Variants in PLPP4 observed in about 807,000 individuals in gnomAD.
PLPP4 encodes phospholipid phosphatase 4.
Under a neutral mutation model 32.2 loss-of-function variants are expected in PLPP4, and 20 were observed. The ratio of observed to expected loss-of-function variants is 0.62; its 90% CI spans 0.44 to 0.90. The LOEUF (loss-of-function observed/expected upper bound fraction) is 0.90, where lower values mean the gene tolerates loss of function less well. Ranked by LOEUF, PLPP4 falls within the 40% of genes least tolerant of loss-of-function variation. The pLI, the probability that PLPP4 is intolerant of heterozygous loss-of-function variation, is 0.00. For synonymous variants in PLPP4, 127 were observed against 133.0 expected (o/e 0.95, Z 0.31); for missense variants, 257 against 353.1 (o/e 0.73, Z 2.18).
chr10:120,523,927 A>C (rs75468124), intron 5 of PLPP4, among the ~76,000 whole-genome samples: 3,957 of 152,234 alleles, frequency 0.026, 114 homozygotes, highest in African/African-American at 0.069. Flanking sequence ...GCTGGACCCC[A>C]AAAAAGATGT....
intron 6 of PLPP4, chr10:120,581,240 C>G (rs1296438760): frequency 4.1e-6 from 4 of 985,304 alleles, no homozygotes; most frequent in Non-Finnish European, 4.8e-6. Context: ...TTGTTTTACT[C>G]AAGGGAACCT....
intron 5 of PLPP4, among the ~76,000 whole-genome samples, chr10:120,530,260 G>A (rs538538394): frequency 7.9e-5 from 12 of 152,058 alleles, no homozygotes; most frequent in East Asian, 7.7e-4. Context: ...CCATAACACC[G>A]AAATCTCTCT....
At chr10:120,466,837 T>C (rs1848344600) in intron 1 of PLPP4, among the ~76,000 whole-genome samples, 1 of 152,252 alleles carries the variant, frequency 6.6e-6, no homozygotes, top group Non-Finnish European at 1.5e-5. Context: ...AAAGATGGCA[T>C]GTGTTAGGTG....
At chr10:120,574,168 A>ACACACACACACACTCTCTCTCTCT (rs1849090021) in intron 5 of PLPP4, among the ~76,000 whole-genome samples, 1 of 47,090 alleles carries the variant, frequency 2.1e-5, no homozygotes, top group African/African-American at 8.6e-5. Flanking sequence ...ACACACACAC[A>ACACACACACACACTCTCTCTCTCT]CTCTCTCTCT....
In PLPP4 at chr10:120,571,093, CGTGTGTGTGT is replaced by C. The variant is rs60011757; in HGVS notation, c.446-4008_446-3999del. Among the ~76,000 whole-genome samples the C allele has an allele frequency of 7.9e-4, 114 of 144,658 alleles. 1 individual carries two copies. The highest frequency in any genetic ancestry group is 2.6e-3 in the African/African-American group (102 of 38,732). 94.9% of individuals were successfully genotyped at this position (144,658 alleles called of 152,430 possible). A position where few individuals can be genotyped will look rare whatever the true frequency, so the allele number is the denominator to read the frequency against. Reference sequence around the variant, plus strand: ...TTCCTTCCCATCAGTAGTAAAGGGGCGTGTGTGTGTGTGTGTGTGTGTGTGTGTGTGTGTG... The same window carrying C: ...TTCCTTCCCATCAGTAGTAAAGGGGCGTGTGTGTGTGTGTGTGTGTGTGTG... On this transcript the variant is annotated intron_variant, in intron 5 of 6. Coordinates refer to ENST00000398250, the MANE Select transcript of PLPP4 (RefSeq NM_001030059.3).
At chr10:120,477,420 G>A (rs1036833094) in intron 1 of PLPP4, among the ~76,000 whole-genome samples, 6 of 150,486 alleles carry the variant, frequency 4.0e-5, no homozygotes, top group Non-Finnish European at 7.4e-5. Flanking sequence ...GCTCCAGAAA[G>A]AAGTGTTCCC....
At chr10:120,570,972 T>G (rs1055685018) in intron 5 of PLPP4, among the ~76,000 whole-genome samples, 1 of 152,078 alleles carries the variant, frequency 6.6e-6, no homozygotes, top group African/African-American at 2.4e-5. Context: ...GATCAACACA[T>G]AAATATTAAC....
intron 5 of PLPP4, among the ~76,000 whole-genome samples, chr10:120,546,143 G>C (rs1268143586): frequency 2.0e-5 from 3 of 152,250 alleles, no homozygotes; most frequent in Admixed American, 2.0e-4. Flanking sequence ...CGGCTTTCTT[G>C]CTCCTCAGCT....
intron 5 of PLPP4, among the ~76,000 whole-genome samples, chr10:120,565,719 C>T (rs1848663496): frequency 6.6e-6 from 1 of 152,018 alleles, no homozygotes; most frequent in South Asian, 2.1e-4. Context: ...CTTTCAATAT[C>T]CTGAGATACC....
At chr10:120,545,779 A>G (rs1328365208) in intron 5 of PLPP4, among the ~76,000 whole-genome samples, 1 of 152,164 alleles carries the variant, frequency 6.6e-6, no homozygotes. Context: ...AAGGATGCAA[A>G]GTATTGTTCC....
At chr10:120,520,817 G>A (rs1419733499) in intron 4 of PLPP4, among the ~76,000 whole-genome samples, 154 bp from the exon 5 acceptor site, 2 of 151,838 alleles carry the variant, frequency 1.3e-5, no homozygotes, top group Non-Finnish European at 2.9e-5. Flanking sequence ...TTTCCCAAAC[G>A]GCTGTGTCTA....
chr10:120,563,195 C>A (rs1039570900), intron 5 of PLPP4, among the ~76,000 whole-genome samples: 3 of 152,096 alleles, frequency 2.0e-5, no homozygotes, highest in Non-Finnish European at 4.4e-5. Context: ...GCGGAGATCG[C>A]GCCACTGCAC....
chr10:120,509,065 A>C (rs1845620882), intron 2 of PLPP4, among the ~76,000 whole-genome samples: 1 of 152,116 alleles, frequency 6.6e-6, no homozygotes, highest in South Asian at 2.1e-4. Flanking sequence ...CCCTCTTAGC[A>C]CCTTACTTTC....
intron 1 of PLPP4, among the ~76,000 whole-genome samples, chr10:120,487,065 ATAAAC>A (rs1296955944): frequency 6.6e-6 from 1 of 152,268 alleles, no homozygotes; most frequent in African/African-American, 2.4e-5. Context: ...ATGATAGTGG[ATAAAC>A]TAAACTAACT....
At chr10:120,527,102 A>G (rs1476548891) in intron 5 of PLPP4, among the ~76,000 whole-genome samples, 1 of 139,444 alleles carries the variant, frequency 7.2e-6, no homozygotes, top group African/African-American at 2.5e-5. Context: ...CTATCTGTCT[A>G]TTTGTCTGTC....
At chr10:120,560,042 T>C (rs1848346768) in intron 5 of PLPP4, among the ~76,000 whole-genome samples, 1 of 152,186 alleles carries the variant, frequency 6.6e-6, no homozygotes, top group African/African-American at 2.4e-5. Context: ...CACCTTCACG[T>C]GAGCAGTTCG....
intron 2 of PLPP4, among the ~76,000 whole-genome samples, chr10:120,509,880 A>G (rs1264074712): frequency 6.6e-6 from 1 of 152,200 alleles, no homozygotes; most frequent in African/African-American, 2.4e-5. Flanking sequence ...GAAAAAAAGC[A>G]TGCACTATGT....
At chr10:120,461,803 T>TA (rs1848062873) in intron 1 of PLPP4, among the ~76,000 whole-genome samples, 1 of 152,234 alleles carries the variant, frequency 6.6e-6, no homozygotes, top group Non-Finnish European at 1.5e-5. Context: ...ACTTGATGGA[T>TA]ATTTGGCACC....
In PLPP4 at chr10:120,518,825, T is replaced by C; in HGVS notation, c.257-8T>C. 6.2e-7 allele frequency: 1 copy of C among 1,610,874 alleles called. No homozygotes were observed. The highest frequency in any genetic ancestry group is 8.5e-7 in the Non-Finnish European group (1 of 1,178,346). Reference sequence around the variant, plus strand: ...GCTATTTTTCTGTCTGTTGGTTTTGTTTTGTAGCGGTGTCCTTGGCTCTTG... The same window carrying C: ...GCTATTTTTCTGTCTGTTGGTTTTGCTTTGTAGCGGTGTCCTTGGCTCTTG... On this transcript the variant is annotated splice_polypyrimidine_tract_variant and splice_region_variant and intron_variant, in intron 3 of 6. Coordinates refer to ENST00000398250, the MANE Select transcript of PLPP4 (RefSeq NM_001030059.3).
Sources: allele counts gnomAD v4.1 joint callset (sites outside exome capture counted in the v4.1 genomes callset), GRCh38; gene constraint gnomAD v4.1.1; transcripts MANE v1.5; gene names NCBI Gene and HGNC (gene_info 2026-07-23, HGNC 2026-07-21).